The following UBR7 variants were observed in gnomAD, a reference collection of about 807,000 sequenced individuals.
The protein encoded by UBR7 is ubiquitin protein ligase E3 component n-recognin 7.
Under a neutral mutation model 57.0 loss-of-function variants are expected in UBR7, and 22 were observed. The ratio of observed to expected loss-of-function variants is 0.39; its 90% CI spans 0.28 to 0.55. The LOEUF is 0.55. UBR7 is among the 20% of genes least tolerant of loss of function. The pLI, the probability that UBR7 is intolerant of heterozygous loss-of-function variation, is 0.69. For missense variants in UBR7, 395 were observed against 513.2 expected (o/e 0.77, Z 2.23); for synonymous variants, 167 against 179.8 (o/e 0.93, Z 0.57).
At chr14:93,223,803 C>A in intron 10 of UBR7, 1 of 742,718 alleles carries the variant, frequency 1.3e-6, no homozygotes. Flanking sequence ...CCATAGACCT[C>A]TCGGTAGCAC....
intron 5 of UBR7, 65 bp downstream of exon 5, chr14:93,215,047 A>G: frequency 6.8e-7 from 1 of 1,472,336 alleles, no homozygotes. Flanking sequence ...TATATTTTAC[A>G]TTATAATTAG....
In UBR7 at chr14:93,227,113, A is replaced by G. The variant is rs1050957240; in HGVS notation, c.*78A>G. 2.5e-6 allele frequency: 3 copies of G among 1,178,886 alleles called. No homozygotes were observed. The highest frequency in any genetic ancestry group is 1.8e-5 in the Admixed American group (1 of 56,342). The allele number at this position is 1,178,886 out of a possible 1,614,324, so 73.0% of individuals were successfully genotyped here. ...TTGGAATAAAAGAGGTGTGGTTCAC[A>G]TTTGGCCCCCTTTCCGTCCTCCTCT... On this transcript the variant is annotated 3_prime_UTR_variant, in exon 11 of 11. Transcript: ENST00000013070.
intron 10 of UBR7, chr14:93,223,984 T>G (rs1595270789): frequency 1.3e-6 from 1 of 756,544 alleles, no homozygotes; most frequent in East Asian, 2.5e-5. Flanking sequence ...TCATCTTTTT[T>G]AACTGAGATA....
rs550779088 is a variant in UBR7, at chr14:93,219,252, C to T, written c.851C>T (p.Ser284Phe). The change falls in exon 8 of 11, where the codon TCT (serine) becomes TTT (phenylalanine). Residue 284 changes from serine to phenylalanine, a missense_variant. Ser to Phe is a radical substitution (Grantham distance 155). Coordinates refer to ENST00000013070, the MANE Select transcript of UBR7 (RefSeq NM_175748.4). ...KNESLNAESK[S>F]GCKLQELKAK... ...GAAAGCCTCAACGCAGAATCAAAATCTGGCTGCAAACTTCAGGAGCTTAAA... is the reference window on the plus strand; with the variant it reads ...GAAAGCCTCAACGCAGAATCAAAATTTGGCTGCAAACTTCAGGAGCTTAAA... 6.2e-7 allele frequency: 1 copy of T among 1,614,194 alleles called. No homozygotes were observed. The highest frequency in any genetic ancestry group is 8.5e-7 in the Non-Finnish European group (1 of 1,180,042).
intron 4 of UBR7, 63 bp from the exon 5 acceptor site, chr14:93,214,866 G>A: frequency 7.2e-7 from 1 of 1,396,414 alleles, no homozygotes; most frequent in Non-Finnish European, 1.0e-6. Context: ...TTTACTGTGT[G>A]CCAGGTTATT....
In UBR7 at chr14:93,220,297, A is replaced by G; in HGVS notation, c.1009A>G (p.Thr337Ala). The change falls in exon 9 of 11, where the codon ACA becomes GCA. Residue 337 changes from threonine (T) to alanine (A), a missense_variant. Physicochemically the swap from Thr to Ala is moderately conservative, Grantham distance 58. Transcript: ENST00000013070. ...DVLFLTDEYD[T>A]VLAYENKGKI... ...CTTATTCCTGACAGATGAATACGAC[A>G]CAGTTCTGGCTTATGAAAACAAAGG... 2 of 1,611,316 alleles carry G rather than the reference A, an allele frequency of 1.2e-6. No individual in the cohort carries two copies. The highest frequency in any genetic ancestry group is 1.7e-6 in the Non-Finnish European group (2 of 1,179,702).
intron 10 of UBR7, among the ~76,000 whole-genome samples, chr14:93,225,717 A>G (rs1203731803): frequency 6.6e-6 from 1 of 152,254 alleles, no homozygotes; most frequent in Non-Finnish European, 1.5e-5. Flanking sequence ...GAACCCAAGT[A>G]TTTATTCACT....
intron 10 of UBR7, among the ~76,000 whole-genome samples, chr14:93,225,926 A>T (rs936840042): frequency 2.6e-5 from 4 of 152,198 alleles, no homozygotes; most frequent in African/African-American, 9.7e-5. Flanking sequence ...ACTTGCAAGT[A>T]TCCTATTTAT....
chr14:93,216,232 G>T (rs1264091823), intron 6 of UBR7, among the ~76,000 whole-genome samples: 1 of 152,138 alleles, frequency 6.6e-6, no homozygotes, highest in Non-Finnish European at 1.5e-5. Flanking sequence ...TTTCTGTAGA[G>T]ACAGTGTTTC....
At chr14:93,218,135 TGTG>T (rs1344042525) in intron 6 of UBR7, among the ~76,000 whole-genome samples, 1 of 150,540 alleles carries the variant, frequency 6.6e-6, no homozygotes, top group African/African-American at 2.4e-5. Flanking sequence ...GTATGCCTGA[TGTG>T]GTGGCTCACA....
At position 93,207,655 on chromosome 14, in the gene UBR7, C is replaced by G. The variant is rs186786642; in HGVS notation, c.150+214C>G. Among the ~76,000 whole-genome samples the G allele has an allele frequency of 5.9e-5, 9 of 152,340 alleles. No homozygotes were observed. The East Asian group carries it at 1.5e-3, about 26-fold the overall frequency. On this transcript the variant is annotated intron_variant, in intron 1 of 10. Transcript: ENST00000013070. ...GCCTGTGTCCAGCAGGGGCCCCCCTCTCCCCTGTCTCCAACTCTGTCCGGC... is the reference window on the plus strand; with the variant it reads ...GCCTGTGTCCAGCAGGGGCCCCCCTGTCCCCTGTCTCCAACTCTGTCCGGC...
chr14:93,209,885 C>A lies in UBR7; in HGVS notation c.212C>A (p.Pro71Gln), dbSNP rs1346349327. 6.2e-7 allele frequency: 1 copy of A among 1,614,008 alleles called. No individual in the cohort carries two copies. Among genetic ancestry groups the A allele is most frequent in the Non-Finnish European group, 8.5e-7 (1 of 1,179,964 alleles). ...ACCTGCACCCCAGAGGGAGAAGAAC[C>A]AGCAGGAATTTGTTTAGCTTGCAGT... Reference protein sequence around the residue: ...CSTCTPEGEEPAGICLACSYE... With the variant: ...CSTCTPEGEEQAGICLACSYE... The change falls in exon 2 of 11, where the codon CCA (proline) becomes CAA (glutamine). Residue 71 changes from proline to glutamine, a missense_variant. Coordinates refer to ENST00000013070, the MANE Select transcript of UBR7 (RefSeq NM_175748.4).
intron 4 of UBR7, among the ~76,000 whole-genome samples, chr14:93,212,625 G>A (rs1333060870): frequency 6.6e-6 from 1 of 152,184 alleles, no homozygotes; most frequent in African/African-American, 2.4e-5. Context: ...ACATAGAAGT[G>A]TTTGAGTGAA....
chr14:93,223,585 G>T, intron 10 of UBR7: 1 of 928,214 alleles, frequency 1.1e-6, no homozygotes, highest in Non-Finnish European at 1.7e-6. Flanking sequence ...ACACCCGGGC[G>T]AGGGCCCTGC....
chr14:93,207,481 C>G, intron 1 of UBR7, 40 bp downstream of exon 1: 1 of 1,509,232 alleles, frequency 6.6e-7, no homozygotes, highest in South Asian at 1.3e-5. Context: ...CCGGCTCCCG[C>G]CGAACCTCCC....
At position 93,209,965 on chromosome 14, in the gene UBR7, T is replaced by C. The variant is rs1322804360; in HGVS notation, c.284+8T>C. The C allele has an allele frequency of 1.2e-6, 2 of 1,613,766 alleles. No homozygotes were observed. The highest frequency in any genetic ancestry group is 1.7e-6 in the Non-Finnish European group (2 of 1,179,810). The stretch of plus-strand genomic sequence containing the variant: ...TGAGCTATACACAAAAAGGTAAACA[T>C]AGTCAAGAGATTGTTACTAAATGCT... On this transcript the variant is annotated splice_region_variant and intron_variant, in intron 2 of 10. Transcript: ENST00000013070.
intron 10 of UBR7, among the ~76,000 whole-genome samples, chr14:93,224,511 T>G (rs1456304838): frequency 1.3e-4 from 19 of 151,532 alleles, no homozygotes; most frequent in Admixed American, 9.9e-4. Context: ...CCCAAGTAGC[T>G]GGACTACAGG....
intron 4 of UBR7, among the ~76,000 whole-genome samples, chr14:93,214,279 A>C (rs921478324): frequency 6.6e-6 from 1 of 152,230 alleles, no homozygotes; most frequent in African/African-American, 2.4e-5. Context: ...CTCCTGTTCC[A>C]CAATATGTGC....
intron 9 of UBR7, 99 bp downstream of exon 9, chr14:93,220,510 A>C: frequency 1.4e-6 from 2 of 1,437,132 alleles, no homozygotes; most frequent in Non-Finnish European, 1.9e-6. Flanking sequence ...TAATACAAAG[A>C]ATTAAAATTT....
Sources: gnomAD v4.1 joint callset for allele counts (sites outside exome capture counted in the v4.1 genomes callset) on GRCh38, gnomAD v4.1.1 for gene constraint, MANE v1.5 for transcripts, NCBI Gene and HGNC (gene_info 2026-07-23, HGNC 2026-07-21) for gene names.